Variants in OXR1 observed in about 807,000 individuals in gnomAD.
OXR1 encodes the protein oxidation resistance 1, also known as oxidation resistance protein 1.
In OXR1, 41 loss-of-function variants were observed where a neutral mutation model predicts 104.6. The ratio of observed to expected loss-of-function variants is 0.39; its 90% CI spans 0.31 to 0.51. The LOEUF (loss-of-function observed/expected upper bound fraction) is 0.51, where lower values mean the gene tolerates loss of function less well. Among genes scored for constraint, OXR1 ranks in the 20% least tolerant of loss-of-function variants. The pLI is 0.77. For missense variants in OXR1, 955 were observed against 1,031.9 expected, an observed-to-expected ratio of 0.93 and a Z score of 1.02; for synonymous variants, 348 against 348.4, an observed-to-expected ratio of 1.00 and a Z score of 0.01.
intron 3 of OXR1, among the ~76,000 whole-genome samples, chr8:106,676,386 T>C (rs1212190114): frequency 6.6e-6 from 1 of 152,170 alleles, no homozygotes; most frequent in Non-Finnish European, 1.5e-5. Flanking sequence ...GTGTATGTGA[T>C]GGTTTTATAA....
chr8:106,386,241 G>A (rs1817366325), intron 2 of OXR1, among the ~76,000 whole-genome samples: 1 of 152,186 alleles, frequency 6.6e-6, no homozygotes, highest in Non-Finnish European at 1.5e-5. Context: ...AGCCTATAAA[G>A]GGATATTGGT....
At position 106,710,755 on chromosome 8, in the gene OXR1, G is replaced by A; in HGVS notation, c.1758G>A (p.Lys586=). 3 of 1,557,008 alleles carry A rather than the reference G, an allele frequency of 1.9e-6. No individual in the cohort carries two copies. Among genetic ancestry groups the A allele is most frequent in the Non-Finnish European group, 2.6e-6 (3 of 1,150,704 alleles). ...TGCAACAGTATGCACAGAGAGATAA[G>A]AAACATGAATATTGGTTTGCTGTGC... ...ATMQQYAQRD[K]KHEYWFAVPQ... Residue 586 remains lysine, a synonymous_variant, in exon 10 of 17, where the codon AAG becomes AAA. Coordinates refer to ENST00000517566, the MANE Select transcript of OXR1 (RefSeq NM_001198533.2).
intron 1 of OXR1, among the ~76,000 whole-genome samples, chr8:106,358,902 TAGTG>T (rs1304191949): frequency 6.6e-6 from 1 of 151,678 alleles, no homozygotes; most frequent in Non-Finnish European, 1.5e-5. Context: ...CTAAATAATT[TAGTG>T]AGTAATTTAA....
At chr8:106,554,444 C>G (rs1056460746) in intron 3 of OXR1, among the ~76,000 whole-genome samples, 1 of 152,114 alleles carries the variant, frequency 6.6e-6, no homozygotes, top group Non-Finnish European at 1.5e-5. Flanking sequence ...GGATTGGACC[C>G]TGAACTAGAA....
At chr8:106,720,487 T>C (rs925445646) in intron 11 of OXR1, among the ~76,000 whole-genome samples, 9 of 152,374 alleles carry the variant, frequency 5.9e-5, no homozygotes, top group South Asian at 2.1e-4. Context: ...GTTCCTGTCA[T>C]GCAAGTTATA....
chr8:106,495,675 C>T (rs1811365696), intron 2 of OXR1, among the ~76,000 whole-genome samples: 3 of 152,170 alleles, frequency 2.0e-5, no homozygotes. Flanking sequence ...TTTCCCAAGA[C>T]AGCAAAGAAT....
chr8:106,500,302 G>A, intron 2 of OXR1, among the ~76,000 whole-genome samples: 1 of 152,186 alleles, frequency 6.6e-6, no homozygotes, highest in East Asian at 1.9e-4. Context: ...CCGAAACCAG[G>A]CCTGGGCCTG....
intron 3 of OXR1, among the ~76,000 whole-genome samples, chr8:106,568,283 A>G (rs1013638379): frequency 6.6e-6 from 1 of 152,136 alleles, no homozygotes; most frequent in Non-Finnish European, 1.5e-5. Context: ...TCATGGGATT[A>G]CGATAAATAA....
chr8:106,407,216 A>G (rs1169706274), intron 2 of OXR1, among the ~76,000 whole-genome samples: 1 of 152,198 alleles, frequency 6.6e-6, no homozygotes, highest in Non-Finnish European at 1.5e-5. Context: ...AACACATGAC[A>G]AGATTTAAAT....
At chr8:106,603,989 G>A (rs13273300) in intron 3 of OXR1, among the ~76,000 whole-genome samples, 18,310 of 152,202 alleles carry the variant, frequency 0.12, 1,394 homozygotes, top group East Asian at 0.34. Context: ...GGAGGCGGTT[G>A]TTGCAGTGAG....
chr8:106,624,821 T>C (rs941137443), intron 3 of OXR1, among the ~76,000 whole-genome samples: 1 of 152,178 alleles, frequency 6.6e-6, no homozygotes, highest in Non-Finnish European at 1.5e-5. Flanking sequence ...AGACAGGATC[T>C]CACTCTGTTG....
In OXR1 at chr8:106,285,506, C is replaced by T. The variant is rs554479904; in HGVS notation, c.-139+15139C>T. Among the ~76,000 whole-genome samples the T allele has an allele frequency of 1.5e-3, 223 of 152,126 alleles. 1 individual carries two copies. Among genetic ancestry groups the T allele is most frequent in the African/African-American group, 5.3e-3 (218 of 41,494 alleles). On this transcript the variant is annotated intron_variant, in intron 1 of 16. Transcript: ENST00000517566. Reference sequence around the variant, plus strand: ...GTGTCCTTCCGTTTAATGCTGCCACCCTAGGTCTGTGTGTCCCCATATGTG... The same window carrying T: ...GTGTCCTTCCGTTTAATGCTGCCACTCTAGGTCTGTGTGTCCCCATATGTG...
At chr8:106,318,126 T>C (rs1351344222) in intron 1 of OXR1, among the ~76,000 whole-genome samples, 1 of 152,134 alleles carries the variant, frequency 6.6e-6, no homozygotes, top group Non-Finnish European at 1.5e-5. Context: ...CAAGCAGAAT[T>C]TAACCTTGAG....
intron 2 of OXR1, among the ~76,000 whole-genome samples, chr8:106,506,931 A>G (rs1046343844): frequency 9.4e-5 from 13 of 137,922 alleles, no homozygotes; most frequent in African/African-American, 2.1e-4. Flanking sequence ...TGTCTTCCAG[A>G]AAAAAAAAAA....
chr8:106,593,746 A>C (rs1819297307), intron 3 of OXR1, among the ~76,000 whole-genome samples: 1 of 152,242 alleles, frequency 6.6e-6, no homozygotes, highest in Non-Finnish European at 1.5e-5. Flanking sequence ...ACGGCACTCC[A>C]GCCTGGGCGA....
intron 2 of OXR1, among the ~76,000 whole-genome samples, chr8:106,432,112 C>A (rs911250060): frequency 2.0e-5 from 3 of 152,062 alleles, no homozygotes; most frequent in African/African-American, 7.2e-5. Context: ...ATTTCCAATC[C>A]ATTTTCACCT....
intron 3 of OXR1, among the ~76,000 whole-genome samples, chr8:106,636,072 C>G (rs1304676939): frequency 6.6e-6 from 1 of 152,140 alleles, no homozygotes; most frequent in African/African-American, 2.4e-5. Flanking sequence ...ACTCTCATGG[C>G]ATTCTTCACT....
intron 8 of OXR1, among the ~76,000 whole-genome samples, chr8:106,704,896 G>A (rs575236490): frequency 1.3e-5 from 2 of 152,050 alleles, no homozygotes; most frequent in Admixed American, 1.3e-4. Flanking sequence ...TCTGCCTTAT[G>A]GATTGATTAA....
At chr8:106,368,180 T>C (rs1308117656) in intron 2 of OXR1, among the ~76,000 whole-genome samples, 2 of 152,180 alleles carry the variant, frequency 1.3e-5, no homozygotes, top group African/African-American at 4.8e-5. Flanking sequence ...AAAGGATTTC[T>C]CTATGTTCTT....
Sources: allele counts gnomAD v4.1 joint callset (sites outside exome capture counted in the v4.1 genomes callset), GRCh38; gene constraint gnomAD v4.1.1; transcripts MANE v1.5; gene names NCBI Gene and HGNC (gene_info 2026-07-23, HGNC 2026-07-21).